The following HYDIN variants were observed in gnomAD, a reference collection of about 807,000 sequenced individuals.
The protein encoded by HYDIN is axonemal central pair apparatus protein HYDIN.
A neutral mutation model predicts 403.9 loss-of-function variants in HYDIN; 132 were observed. The ratio of observed to expected loss-of-function variants is 0.33; its 90% CI spans 0.28 to 0.38. The LOEUF (loss-of-function observed/expected upper bound fraction) is 0.38. Ranked by LOEUF, HYDIN falls within the 10% of genes least tolerant of loss-of-function variation. HYDIN has a pLI of 1.00. For synonymous variants in HYDIN, 1,202 were observed against 1,891.7 expected, an observed-to-expected ratio of 0.64 and a Z score of 9.46; for missense variants, 2,827 against 5,009.5, an observed-to-expected ratio of 0.56 and a Z score of 13.15.
chr16:71,070,665 G>A lies in HYDIN; in HGVS notation c.1739-1163C>T, dbSNP rs906095334. ...ATTTTCGATTCCCTAGGCAGCTATT[G>A]TATCTGATACCACTTTCAGAACAAG... On this transcript the variant is annotated intron_variant, in intron 13 of 85. Coordinates refer to ENST00000393567, the MANE Select transcript of HYDIN (RefSeq NM_001270974.2). Among the ~76,000 whole-genome samples the A allele has an allele frequency of 3.0e-4, 40 of 132,186 alleles. 1 individual carries two copies. Among genetic ancestry groups the A allele is most frequent in the Non-Finnish European group, 5.4e-4 (35 of 64,772 alleles). 86.7% of individuals were successfully genotyped at this position (132,186 alleles called of 152,430 possible). A position where few individuals can be genotyped will look rare whatever the true frequency, so the allele number is the denominator to read the frequency against.
chr16:70,818,226 G>C, intron 84 of HYDIN, 116 bp downstream of exon 84: 1 of 616,058 alleles, frequency 1.6e-6, no homozygotes, highest in Non-Finnish European at 2.9e-6. Context: ...CTGCCTTCCT[G>C]ACCACTGTCA....
intron 18 of HYDIN, among the ~76,000 whole-genome samples, chr16:71,047,536 C>T (rs183858249): frequency 4.6e-5 from 7 of 152,064 alleles, no homozygotes; most frequent in African/African-American, 1.7e-4. Context: ...TCACTGTTAT[C>T]CTCTTTGGCA....
At position 70,955,490 on chromosome 16, in the gene HYDIN, G is replaced by A. The variant is rs779027520; in HGVS notation, c.6201C>T (p.Ile2067=). 3 of 1,602,680 alleles carry A rather than the reference G, an allele frequency of 1.9e-6. No homozygotes were observed. The highest frequency in any genetic ancestry group is 2.6e-6 in the Non-Finnish European group (3 of 1,170,732). The change falls in exon 40 of 86, where the codon ATC becomes ATT. Residue 2067 remains isoleucine (I), a synonymous_variant. Coordinates refer to ENST00000393567, the MANE Select transcript of HYDIN (RefSeq NM_001270974.2). ...CCACAGCTTCCAGCACAATGGAGTCGATGCTCAGGCAGGCTGCGTTGTAGT... is the reference window on the plus strand; with the variant it reads ...CCACAGCTTCCAGCACAATGGAGTCAATGCTCAGGCAGGCTGCGTTGTAGT... ...AKYYNAACLS[I]DSIVLEAVAN...
intron 39 of HYDIN, among the ~76,000 whole-genome samples, chr16:70,957,522 TCA>T (rs2078282251): frequency 6.6e-6 from 1 of 152,126 alleles, no homozygotes; most frequent in Non-Finnish European, 1.5e-5. Context: ...AGACAGGGTT[TCA>T]CCATGTTGGC....
chr16:70,970,907 C>T (rs1185668915), intron 35 of HYDIN, 148 bp from the exon 36 acceptor site: 11 of 747,440 alleles, frequency 1.5e-5, no homozygotes, highest in South Asian at 1.2e-4. Flanking sequence ...TTTTTATTAC[C>T]GAATTAACAT....
intron 39 of HYDIN, among the ~76,000 whole-genome samples, chr16:70,957,638 G>A (rs535302680): frequency 8.7e-5 from 13 of 149,576 alleles, no homozygotes; most frequent in African/African-American, 3.0e-4. Context: ...TTCCTTCCTT[G>A]TCAAGGCTGA....
intron 41 of HYDIN, among the ~76,000 whole-genome samples, chr16:70,945,566 G>A: frequency 6.6e-6 from 1 of 152,186 alleles, no homozygotes; most frequent in South Asian, 2.1e-4. Flanking sequence ...CAAAGACAAT[G>A]TAGGAAACAA....
chr16:70,845,863 T>C, intron 75 of HYDIN, among the ~76,000 whole-genome samples: 1 of 140,768 alleles, frequency 7.1e-6, no homozygotes, highest in South Asian at 2.1e-4. Flanking sequence ...TGGTAGTTTG[T>C]ATTTCTGTGG....
chr16:71,028,657 G>T (rs2080800575), intron 19 of HYDIN, among the ~76,000 whole-genome samples: 1 of 150,684 alleles, frequency 6.6e-6, no homozygotes, highest in Non-Finnish European at 1.5e-5. Context: ...ATTTTACTAG[G>T]CTTTGAGATT....
At chr16:71,218,733 T>C (rs972743646) in intron 1 of HYDIN, among the ~76,000 whole-genome samples, 12 of 152,190 alleles carry the variant, frequency 7.9e-5, no homozygotes, top group Admixed American at 3.9e-4. Context: ...CTAAAGGTAT[T>C]AATTAGTATT....
At chr16:70,971,152 G>A (rs539600988) in intron 35 of HYDIN, among the ~76,000 whole-genome samples, 2 of 152,318 alleles carry the variant, frequency 1.3e-5, no homozygotes, top group African/African-American at 4.8e-5. Flanking sequence ...CATGGGCAGG[G>A]GAGGGCAGGG....
At chr16:70,928,192 G>C (rs556908762) in intron 45 of HYDIN, among the ~76,000 whole-genome samples, 2 of 152,304 alleles carry the variant, frequency 1.3e-5, no homozygotes, top group African/African-American at 4.8e-5. Flanking sequence ...AACTACATTA[G>C]CATATAATTT....
chr16:70,834,613 C>T (rs8045140), intron 78 of HYDIN, among the ~76,000 whole-genome samples: 2 of 151,874 alleles, frequency 1.3e-5, no homozygotes, highest in Admixed American at 1.3e-4. Flanking sequence ...TTTGGGAGGC[C>T]GAGGCAGGTG....
chr16:71,170,919 G>A (rs966400554), intron 5 of HYDIN, among the ~76,000 whole-genome samples: 4 of 152,220 alleles, frequency 2.6e-5, no homozygotes, highest in Admixed American at 6.5e-5. Context: ...AAAGGTGGGT[G>A]ATGACAGCAG....
chr16:70,995,712 G>A (rs1467415699), intron 23 of HYDIN, among the ~76,000 whole-genome samples: 1 of 152,144 alleles, frequency 6.6e-6, no homozygotes, highest in Non-Finnish European at 1.5e-5. Context: ...TCTGCGCAGT[G>A]TAGTCTTGTG....
At chr16:70,993,938 T>A (rs1376479512) in intron 23 of HYDIN, among the ~76,000 whole-genome samples, 3 of 152,164 alleles carry the variant, frequency 2.0e-5, no homozygotes, top group African/African-American at 7.2e-5. Context: ...TTCTATGTCA[T>A]TTACTATATA....
chr16:70,881,988 A>G (rs1416720216), intron 60 of HYDIN, among the ~76,000 whole-genome samples: 1 of 152,252 alleles, frequency 6.6e-6, no homozygotes, highest in Non-Finnish European at 1.5e-5. Context: ...AAAAAGTATG[A>G]TCTGACTCAG....
At chr16:70,809,318 T>C (rs1463502446) in intron 85 of HYDIN, among the ~76,000 whole-genome samples, 2 of 152,226 alleles carry the variant, frequency 1.3e-5, no homozygotes, top group Admixed American at 1.3e-4. Context: ...TGGCTTTAGA[T>C]ACATATTTAA....
chr16:70,810,117 T>C (rs2035376280), intron 84 of HYDIN, 110 bp from the exon 85 acceptor site: 3 of 960,920 alleles, frequency 3.1e-6, no homozygotes, highest in Non-Finnish European at 4.9e-6. Flanking sequence ...ATAGTGCACA[T>C]GATCATGCTG....
Sources: allele counts gnomAD v4.1 joint callset (sites outside exome capture counted in the v4.1 genomes callset), GRCh38; gene constraint gnomAD v4.1.1; transcripts MANE v1.5; gene names NCBI Gene and HGNC (gene_info 2026-07-23, HGNC 2026-07-21).